TMEM88: variants seen among roughly 807,000 people sequenced by gnomAD.
TMEM88 encodes the protein transmembrane protein 88.
TMEM88 carries 8 observed loss-of-function variants against 10.0 expected under a neutral mutation model. The ratio of observed to expected loss-of-function variants is 0.80; its 90% confidence interval spans 0.47 to 1.44. TMEM88 has a LOEUF of 1.44. TMEM88 is among the 40% of genes most tolerant of loss of function. The pLI is 0.00. For synonymous variants in TMEM88, 139 were observed against 104.9 expected (o/e 1.33, Z -1.99); for missense variants, 255 against 217.8 (o/e 1.17, Z -1.07).
At position 7,856,056 on chromosome 17, in the gene TMEM88, G is replaced by A. The variant is rs895811251; in HGVS notation, c.*342G>A. 2 of 1,065,170 alleles carry A rather than the reference G, an allele frequency of 1.9e-6. No homozygotes were observed. Among genetic ancestry groups the A allele is most frequent in the Non-Finnish European group, 2.4e-6 (2 of 821,600 alleles). The allele number at this position is 1,065,170 out of a possible 1,614,324, so 66.0% of individuals were successfully genotyped here. The stretch of plus-strand genomic sequence containing the variant: ...TCTGGGGCTGGGGGGCGGGGCTGGA[G>A]GGGAAGGAGTGTCCACGCATCAATA... On this transcript the variant is annotated 3_prime_UTR_variant, in exon 2 of 2. Transcript: ENST00000301599.
rs764780909 is a variant in TMEM88, at chr17:7,855,722, C to A, written c.*8C>A. ...GGAAAGGTCTGGGTCTAATGACCCTCGAGTCAAGAACAACCCTGACGGCTG... is the reference window on the plus strand; with the variant it reads ...GGAAAGGTCTGGGTCTAATGACCCTAGAGTCAAGAACAACCCTGACGGCTG... On this transcript the variant is annotated 3_prime_UTR_variant, in exon 2 of 2. Transcript: ENST00000301599. 2.6e-6 allele frequency: 4 copies of A among 1,536,946 alleles called. No homozygotes were observed. Among genetic ancestry groups the A allele is most frequent in the Non-Finnish European group, 3.5e-6 (4 of 1,139,820 alleles).
In TMEM88 at chr17:7,855,816, C is replaced by T. The variant is rs2078801930; in HGVS notation, c.*102C>T. 1 of 1,430,870 alleles carries T rather than the reference C, an allele frequency of 7.0e-7. No homozygotes were observed. The highest frequency in any genetic ancestry group is 2.5e-5 in the East Asian group (1 of 39,580). 88.6% of individuals were successfully genotyped at this position (1,430,870 alleles called of 1,614,324 possible). On this transcript the variant is annotated 3_prime_UTR_variant, in exon 2 of 2. Transcript: ENST00000301599. The stretch of plus-strand genomic sequence containing the variant: ...CCGACCTGCCCTGCCCCCACCCCTG[C>T]CTGAGCGGAGTCCTAGCATCCCCTT...
rs543355484 is a variant in TMEM88 at position 7,855,264 on chromosome 17, G to T, written c.190G>T (p.Gly64Cys). Residue 64 changes from glycine to cysteine, a missense_variant, in exon 1 of 2, where the codon GGC (glycine) becomes TGC (cysteine). Coordinates refer to ENST00000301599, the MANE Select transcript of TMEM88 (RefSeq NM_203411.2). ...ACCCGCTGTCACCATGCTGGGCTTC[G>T]GCTTCCTCTGCCACTCTCAGGTGAG... ...LLPAVTMLGFGFLCHSQFLRS... is the reference protein window; with the variant it reads ...LLPAVTMLGFCFLCHSQFLRS... 6.3e-7 allele frequency: 1 copy of T among 1,599,466 alleles called. No homozygotes were observed. The highest frequency in any genetic ancestry group is 1.7e-5 in the Admixed American group (1 of 57,370).
Position 7,855,293 on chromosome 17 carries a change from G to A in TMEM88, c.210+9G>A. 6.3e-7 allele frequency: 1 copy of A among 1,590,964 alleles called. No homozygotes were observed. On this transcript the variant is annotated intron_variant, in intron 1 of 1. Coordinates refer to ENST00000301599, the MANE Select transcript of TMEM88 (RefSeq NM_203411.2). ...TCCTCTGCCACTCTCAGGTGAGCGT[G>A]CGCCCCGGGGTGTGCGTGTGAGTGT...
rs763073037 is a variant in TMEM88 at position 7,855,531 on chromosome 17, C to T, written c.297C>T (p.Leu99=). 2.5e-6 allele frequency: 4 copies of T among 1,608,850 alleles called. No homozygotes were observed. In the South Asian group the frequency reaches 3.3e-5, roughly 13 times the overall value. ...TALLVTGFLL[L]VPLLVLALAS... is the part of the protein sequence containing the mutation. The stretch of plus-strand genomic sequence containing the variant: ...TACTGGTCACCGGATTCCTGCTCCT[C>T]GTGCCGCTGCTCGTGCTTGCTCTGG... The change falls in exon 2 of 2, where the codon CTC becomes CTT. Residue 99 remains leucine, a synonymous_variant. Coordinates refer to ENST00000301599, the MANE Select transcript of TMEM88 (RefSeq NM_203411.2).
rs61739615 is a variant in TMEM88 at position 7,855,533 on chromosome 17, T to G, written c.299T>G (p.Val100Gly). The G allele has an allele frequency of 3.6e-3, 5,722 of 1,608,920 alleles. 27 individuals carry two copies. The highest frequency in any genetic ancestry group is 4.5e-3 in the Non-Finnish European group (5,257 of 1,179,910). ...ALLVTGFLLL[V>G]PLLVLALASY... ...CTGGTCACCGGATTCCTGCTCCTCGTGCCGCTGCTCGTGCTTGCTCTGGCC... is the reference window on the plus strand; with the variant it reads ...CTGGTCACCGGATTCCTGCTCCTCGGGCCGCTGCTCGTGCTTGCTCTGGCC... The change falls in exon 2 of 2, where the codon GTG becomes GGG. Residue 100 changes from valine to glycine, a missense_variant. Physicochemically the swap from Val to Gly is moderately radical, Grantham distance 109. Coordinates refer to ENST00000301599, the MANE Select transcript of TMEM88 (RefSeq NM_203411.2).
rs1236841905 is a variant in TMEM88 at position 7,855,532 on chromosome 17, G to C, written c.298G>C (p.Val100Leu). ...ALLVTGFLLL[V>L]PLLVLALASY... Reference sequence around the variant, plus strand: ...ACTGGTCACCGGATTCCTGCTCCTCGTGCCGCTGCTCGTGCTTGCTCTGGC... The same window carrying C: ...ACTGGTCACCGGATTCCTGCTCCTCCTGCCGCTGCTCGTGCTTGCTCTGGC... The change falls in exon 2 of 2, where the codon GTG becomes CTG. Residue 100 changes from valine to leucine, a missense_variant. Val to Leu is a conservative substitution (Grantham distance 32, BLOSUM62 1). Transcript: ENST00000301599. The C allele has an allele frequency of 6.2e-7, 1 of 1,608,792 alleles. No homozygotes were observed. Among genetic ancestry groups the C allele is most frequent in the South Asian group, 1.1e-5 (1 of 91,076 alleles).
At position 7,855,787 on chromosome 17, in the gene TMEM88, T is replaced by TC. The variant is rs1243064597; in HGVS notation, c.*74dup. 8 of 1,443,924 alleles carry TC rather than the reference T, an allele frequency of 5.5e-6. No homozygotes were observed. The Admixed American group carries it at 8.0e-5, about 14-fold the overall frequency. 89.4% of individuals were successfully genotyped at this position (1,443,924 alleles called of 1,614,324 possible). A position where few individuals can be genotyped will look rare whatever the true frequency, so the allele number is the denominator to read the frequency against. ...CGGCCCAAGGACTTGAAGCCCGGCA[T>TC]CTTCCGACCTGCCCTGCCCCCACCC... is the stretch of plus-strand genomic sequence containing the variant. On this transcript the variant is annotated 3_prime_UTR_variant, in exon 2 of 2. Transcript: ENST00000301599.
Position 7,855,537 on chromosome 17 carries a change from G to A in TMEM88, c.303G>A (p.Pro101=), listed in dbSNP as rs571651452. 1.9e-5 allele frequency: 30 copies of A among 1,608,592 alleles called. No individual in the cohort carries two copies. The South Asian group carries it at 2.6e-4, about 14-fold the overall frequency. The change falls in exon 2 of 2, where the codon CCG becomes CCA. Residue 101 remains proline, a synonymous_variant. Coordinates refer to ENST00000301599, the MANE Select transcript of TMEM88 (RefSeq NM_203411.2). ...TCACCGGATTCCTGCTCCTCGTGCC[G>A]CTGCTCGTGCTTGCTCTGGCCAGCT... ...LLVTGFLLLV[P]LLVLALASYR...
rs760359891 is a variant in TMEM88, at chr17:7,855,132, G to C, written c.58G>C (p.Asp20His). 2.7e-5 allele frequency: 43 copies of C among 1,610,590 alleles called. No homozygotes were observed. The highest frequency in any genetic ancestry group is 3.1e-5 in the Non-Finnish European group (36 of 1,179,702). Residue 20 changes from aspartate (D) to histidine (H), a missense_variant, in exon 1 of 2, where the codon GAC (aspartate) becomes CAC (histidine). Physicochemically the swap from Asp to His is moderately conservative, Grantham distance 81. Transcript: ENST00000301599. The part of the protein sequence containing the change: ...AVPGDGPEPR[D>H]PLDCWACAVL... ...TCCTGGTGACGGCCCAGAGCCCCGG[G>C]ACCCCCTGGACTGTTGGGCCTGCGC...
Position 7,855,298 on chromosome 17 carries a change from C to T in TMEM88, c.210+14C>T. On this transcript the variant is annotated intron_variant, in intron 1 of 1. Transcript: ENST00000301599. The stretch of plus-strand genomic sequence containing the variant: ...TGCCACTCTCAGGTGAGCGTGCGCC[C>T]CGGGGTGTGCGTGTGAGTGTGAGTG... The T allele has an allele frequency of 6.3e-7, 1 of 1,589,282 alleles. No homozygotes were observed. The highest frequency in any genetic ancestry group is 8.5e-7 in the Non-Finnish European group (1 of 1,170,024).
In TMEM88 at chr17:7,856,033, T is replaced by G; in HGVS notation, c.*319T>G. 3.5e-6 allele frequency: 4 copies of G among 1,152,148 alleles called. No homozygotes were observed. The highest frequency in any genetic ancestry group is 4.4e-6 in the Non-Finnish European group (4 of 903,818). 71.4% of individuals were successfully genotyped at this position (1,152,148 alleles called of 1,614,324 possible). ...TATGGTGCAGCTTCTCTAGTATTTC[T>G]GGGGCTGGGGGGCGGGGCTGGAGGG... is the stretch of plus-strand genomic sequence containing the variant. On this transcript the variant is annotated 3_prime_UTR_variant, in exon 2 of 2. Coordinates refer to ENST00000301599, the MANE Select transcript of TMEM88 (RefSeq NM_203411.2).
In TMEM88 at chr17:7,855,900, C is replaced by T. The variant is rs1048345440; in HGVS notation, c.*186C>T. The T allele has an allele frequency of 2.2e-6, 3 of 1,391,380 alleles. No individual in the cohort carries two copies. The highest frequency in any genetic ancestry group is 2.6e-4 in the Middle Eastern group (1 of 3,808). 86.2% of individuals were successfully genotyped at this position (1,391,380 alleles called of 1,614,324 possible). On this transcript the variant is annotated 3_prime_UTR_variant, in exon 2 of 2. Transcript: ENST00000301599. ...AAAAGCCCCCACATCCCGGAAAACC[C>T]ACTTTCCTTTCACGACCCACATCTC...
At chr17:7,855,392 C>T (rs2078793713) in intron 1 of TMEM88, 53 bp from the exon 2 acceptor site, 8 of 1,593,464 alleles carry the variant, frequency 5.0e-6, no homozygotes, top group Non-Finnish European at 6.0e-6. Context: ...CTGTTTCCAC[C>T]CCGTGCACAG....
rs1178434752 is a variant in TMEM88 at position 7,855,626 on chromosome 17, A to T, written c.392A>T (p.Tyr131Phe). ...CTCGTGCCCTACAGCCGAGCCCTTT[A>T]TCGGCGTCGGCGCGCCCCGCAGCCG... ...DCLVPYSRAL[Y>F]RRRRAPQPRQ... is the part of the protein sequence containing the mutation. The change falls in exon 2 of 2, where the codon TAT (tyrosine) becomes TTT (phenylalanine). Residue 131 changes from tyrosine to phenylalanine, a missense_variant. Tyr to Phe is a conservative substitution (Grantham distance 22, BLOSUM62 3). Coordinates refer to ENST00000301599, the MANE Select transcript of TMEM88 (RefSeq NM_203411.2). 2.5e-6 allele frequency: 4 copies of T among 1,608,882 alleles called. No homozygotes were observed. In the South Asian group the frequency reaches 3.3e-5, roughly 13 times the overall value.
Position 7,855,137 on chromosome 17 carries a change from C to T in TMEM88, c.63C>T (p.Pro21=), listed in dbSNP as rs940483683. Residue 21 remains proline (P), a synonymous_variant, in exon 1 of 2, where the codon CCC becomes CCT. Transcript: ENST00000301599. ...GTGACGGCCCAGAGCCCCGGGACCC[C>T]CTGGACTGTTGGGCCTGCGCTGTTC... ...VPGDGPEPRD[P]LDCWACAVLV... is the part of the protein sequence containing the mutation. The T allele has an allele frequency of 6.2e-7, 1 of 1,611,216 alleles. No individual in the cohort carries two copies. Among genetic ancestry groups the T allele is most frequent in the Admixed American group, 1.7e-5 (1 of 59,868 alleles).
chr17:7,855,763 G>A lies in TMEM88; in HGVS notation c.*49G>A. 6.8e-7 allele frequency: 1 copy of A among 1,461,104 alleles called. No homozygotes were observed. The highest frequency in any genetic ancestry group is 9.0e-7 in the Non-Finnish European group (1 of 1,105,786). The allele number at this position is 1,461,104 out of a possible 1,614,324, so 90.5% of individuals were successfully genotyped here. A position where few individuals can be genotyped will look rare whatever the true frequency, so the allele number is the denominator to read the frequency against. ...CTGACGGCTGCCCTCCCTCTTATTC[G>A]GCCCAAGGACTTGAAGCCCGGCATC... is the stretch of plus-strand genomic sequence containing the variant. On this transcript the variant is annotated 3_prime_UTR_variant, in exon 2 of 2. Transcript: ENST00000301599.
At position 7,855,079 on chromosome 17, in the gene TMEM88, C is replaced by T. The variant is rs1019657990; in HGVS notation, c.5C>T (p.Ala2Val). 2.5e-6 allele frequency: 4 copies of T among 1,600,120 alleles called. No individual in the cohort carries two copies. Among genetic ancestry groups the T allele is most frequent in the Admixed American group, 1.7e-5 (1 of 59,776 alleles). The change falls in exon 1 of 2, where the codon GCG becomes GTG. Residue 2 changes from alanine to valine, a missense_variant. Transcript: ENST00000301599. The part of the protein sequence containing the change: M[A>V]DVPGAQRAVP... ...CGGGCGGGATCCAGGCGGGCCATGG[C>T]GGATGTCCCCGGGGCACAGCGAGCG...
At position 7,855,621 on chromosome 17, in the gene TMEM88, C is replaced by T. The variant is rs749331680; in HGVS notation, c.387C>T (p.Ala129=). The change falls in exon 2 of 2, where the codon GCC becomes GCT. Residue 129 remains alanine, a synonymous_variant. Transcript: ENST00000301599. ...LADCLVPYSR[A]LYRRRRAPQP... is the part of the protein sequence containing the mutation. ...ATTGCCTCGTGCCCTACAGCCGAGC[C>T]CTTTATCGGCGTCGGCGCGCCCCGC... The T allele has an allele frequency of 2.5e-6, 4 of 1,608,928 alleles. No individual in the cohort carries two copies. The Admixed American group carries it at 5.0e-5, about 20-fold the overall frequency.
Sources: allele counts gnomAD v4.1 joint callset, GRCh38; gene constraint gnomAD v4.1.1; transcripts MANE v1.5; gene names NCBI Gene and HGNC (gene_info 2026-07-23, HGNC 2026-07-21).